Variants in TAF1B observed in about 807,000 individuals in gnomAD.
TAF1B encodes TATA box-binding protein-associated factor RNA polymerase I subunit B.
In TAF1B, 61 loss-of-function variants were observed where a neutral mutation model predicts 83.9. The observed-to-expected ratio is 0.73, with a 90% CI of 0.59 to 0.90. The LOEUF is 0.90. TAF1B is among the 40% of genes least tolerant of loss of function. The pLI is 0.00. For missense variants in TAF1B, 625 were observed against 677.0 expected (o/e 0.92, Z 0.85); for synonymous variants, 221 against 224.6 (o/e 0.98, Z 0.14).
At chr2:9,843,737 G>A (rs1572203933) in intron 1 of TAF1B, 178 bp downstream of exon 1, 1 of 629,922 alleles carries the variant, frequency 1.6e-6, no homozygotes. Context: ...ATGCGCGCGC[G>A]GCTTTGGTAA....
chr2:9,856,478 T>C (rs993816300), intron 5 of TAF1B, among the ~76,000 whole-genome samples: 5 of 152,186 alleles, frequency 3.3e-5, no homozygotes, highest in Non-Finnish European at 5.9e-5. Context: ...ATGAGAGAGA[T>C]ACTTCCCAAG....
In TAF1B at chr2:9,875,904, A is replaced by G; in HGVS notation, c.593A>G (p.Tyr198Cys). The G allele has an allele frequency of 6.2e-7, 1 of 1,612,368 alleles. No homozygotes were observed. Among genetic ancestry groups the G allele is most frequent in the Non-Finnish European group, 8.5e-7 (1 of 1,178,726 alleles). Residue 198 changes from tyrosine to cysteine, a missense_variant, in exon 7 of 15, where the codon TAC (tyrosine) becomes TGC (cysteine). By Grantham distance (194) the Tyr-to-Cys change is radical (BLOSUM62 -2). Coordinates refer to ENST00000263663, the MANE Select transcript of TAF1B (RefSeq NM_005680.3). ...TCTGGATCTCTGGATGGAGTTGAAT[A>G]CTCACAACGAAAGGAGAAGGGAATC... ...VCSGSLDGVE[Y>C]SQRKEKGIVK...
At position 9,904,892 on chromosome 2, in the gene TAF1B, A is replaced by G. The variant is rs773917356; in HGVS notation, c.841A>G (p.Thr281Ala). ...TGACTACGAGGACATCTACAAAAAA[A>G]CAGTAGAAGTTGGAACATTTTTAGA... ...WPDYEDIYKK[T>A]VEVGTFLDLP... The change falls in exon 9 of 15, where the codon ACA becomes GCA. Residue 281 changes from threonine (T) to alanine (A), a missense_variant. Thr to Ala is a moderately conservative substitution (Grantham distance 58). Transcript: ENST00000263663. 16 of 1,611,078 alleles carry G rather than the reference A, an allele frequency of 9.9e-6. No homozygotes were observed. Among genetic ancestry groups the G allele is most frequent in the Middle Eastern group, 1.6e-4 (1 of 6,078 alleles).
At chr2:9,909,531 A>T (rs760920274) in intron 9 of TAF1B, among the ~76,000 whole-genome samples, 1 of 152,200 alleles carries the variant, frequency 6.6e-6, no homozygotes, top group Non-Finnish European at 1.5e-5. Context: ...TGGGGGAACT[A>T]TGGAGATTAG....
At chr2:9,872,771 T>G (rs1374166092) in intron 6 of TAF1B, among the ~76,000 whole-genome samples, 1 of 152,224 alleles carries the variant, frequency 6.6e-6, no homozygotes, top group Non-Finnish European at 1.5e-5. Flanking sequence ...ATTTATTTTA[T>G]GGAAATCTGT....
At position 9,878,033 on chromosome 2, in the gene TAF1B, C is replaced by T. The variant is rs575940087; in HGVS notation, c.707+2015C>T. On this transcript the variant is annotated intron_variant, in intron 7 of 14. Transcript: ENST00000263663. Reference sequence around the variant, plus strand: ...CCATTGATATTCTTCCTTTGCTTTTCTCCCAGAAAGAGCTCTAAGTCATAA... The same window carrying T: ...CCATTGATATTCTTCCTTTGCTTTTTTCCCAGAAAGAGCTCTAAGTCATAA... Among the ~76,000 whole-genome samples the T allele has an allele frequency of 2.6e-5, 4 of 152,288 alleles. No homozygotes were observed. The South Asian group carries it at 8.3e-4, about 32-fold the overall frequency.
rs137900719 is a variant in TAF1B, at chr2:9,919,639, G to A, written c.1384G>A (p.Glu462Lys). 3 of 1,614,082 alleles carry A rather than the reference G, an allele frequency of 1.9e-6. No individual in the cohort carries two copies. The highest frequency in any genetic ancestry group is 2.5e-6 in the Non-Finnish European group (3 of 1,180,018). Reference protein sequence around the residue: ...NLQKQFSTLVESTATAGKKSP... With the variant: ...NLQKQFSTLVKSTATAGKKSP... Reference sequence around the variant, plus strand: ...ACAGAAACAATTTAGCACACTGGTCGAGTCAACAGCAACTGCTGGAAAAAA... The same window carrying A: ...ACAGAAACAATTTAGCACACTGGTCAAGTCAACAGCAACTGCTGGAAAAAA... Residue 462 changes from glutamate (E) to lysine (K), a missense_variant, in exon 14 of 15, where the codon GAG (glutamate) becomes AAG (lysine). Transcript: ENST00000263663.
intron 14 of TAF1B, among the ~76,000 whole-genome samples, chr2:9,920,198 C>T (rs991992477): frequency 1.3e-5 from 2 of 152,170 alleles, no homozygotes; most frequent in Non-Finnish European, 2.9e-5. Context: ...AGGATATTCT[C>T]TTAAGTGACC....
chr2:9,927,058 C>G (rs1572294963), intron 14 of TAF1B, among the ~76,000 whole-genome samples: 1 of 77,086 alleles, frequency 1.3e-5, no homozygotes, highest in African/African-American at 5.0e-5. Flanking sequence ...GTGTGATGTT[C>G]CCCGCCCTGT....
intron 12 of TAF1B, among the ~76,000 whole-genome samples, chr2:9,916,148 A>G (rs544468071): frequency 6.6e-6 from 1 of 152,210 alleles, no homozygotes; most frequent in Non-Finnish European, 1.5e-5. Flanking sequence ...CACACATGCA[A>G]CTGTATGTGT....
intron 4 of TAF1B, among the ~76,000 whole-genome samples, chr2:9,852,601 C>G (rs564664311): frequency 1.5e-4 from 23 of 152,254 alleles, no homozygotes; most frequent in African/African-American, 5.5e-4. Flanking sequence ...AAGCAATTCT[C>G]CTGTCTCAGC....
In TAF1B at chr2:9,904,851, T is replaced by C. The variant is rs1195649372; in HGVS notation, c.808-8T>C. 2 of 1,606,566 alleles carry C rather than the reference T, an allele frequency of 1.2e-6. No homozygotes were observed. The highest frequency in any genetic ancestry group is 4.5e-5 in the East Asian group (2 of 44,792). On this transcript the variant is annotated splice_region_variant and splice_polypyrimidine_tract_variant and intron_variant, in intron 8 of 14. Transcript: ENST00000263663. ...ATTGCAACTATGATGGTCTCTCTTT[T>C]ATTTCAGTCTTGGCCTGACTACGAG... is the stretch of plus-strand genomic sequence containing the variant.
intron 8 of TAF1B, among the ~76,000 whole-genome samples, chr2:9,897,590 A>G (rs1665055303): frequency 6.6e-6 from 1 of 152,226 alleles, no homozygotes; most frequent in South Asian, 2.1e-4. Context: ...GCACTTAGCC[A>G]GGATGATTCA....
chr2:9,861,909 C>T (rs1663780106), intron 5 of TAF1B, among the ~76,000 whole-genome samples: 1 of 152,170 alleles, frequency 6.6e-6, no homozygotes, highest in Non-Finnish European at 1.5e-5. Context: ...GGAAAACTAA[C>T]AAACAGAAAG....
Position 9,860,376 on chromosome 2 carries a change from C to T in TAF1B, c.399+5955C>T, listed in dbSNP as rs139409315. 1.6e-4 allele frequency among the ~76,000 whole-genome samples: 25 copies of T among 152,238 alleles called. 1 individual carries two copies. Among genetic ancestry groups the T allele is most frequent in the East Asian group, 7.7e-4 (4 of 5,188 alleles). On this transcript the variant is annotated intron_variant, in intron 5 of 14. Transcript: ENST00000263663. ...CTAACATGCTATTGTTTGTAACATA[C>T]GCCATTATTTTAAGTACTGCTAAGA...
At chr2:9,882,683 C>T in intron 7 of TAF1B, 23 bp from the exon 8 acceptor site, 1 of 1,558,060 alleles carries the variant, frequency 6.4e-7, no homozygotes, top group South Asian at 1.2e-5. Flanking sequence ...TCTCATTAAA[C>T]CTTTTTCTTT....
intron 8 of TAF1B, among the ~76,000 whole-genome samples, chr2:9,889,187 T>C (rs1277223429): frequency 6.6e-6 from 1 of 151,930 alleles, no homozygotes; most frequent in African/African-American, 2.4e-5. Context: ...TTTGTTTAAA[T>C]TTTTTTGGCC....
intron 5 of TAF1B, among the ~76,000 whole-genome samples, chr2:9,859,698 T>C (rs575870884): frequency 6.6e-6 from 1 of 152,332 alleles, no homozygotes; most frequent in South Asian, 2.1e-4. Context: ...TAACAGCATT[T>C]TGATCACAAT....
At chr2:9,917,104 C>G (rs1665706080) in intron 12 of TAF1B, among the ~76,000 whole-genome samples, 1 of 152,108 alleles carries the variant, frequency 6.6e-6, no homozygotes, top group Non-Finnish European at 1.5e-5. Flanking sequence ...CCTCAGCCTC[C>G]CAAAGTGCTG....
Sources: allele counts gnomAD v4.1 joint callset (sites outside exome capture counted in the v4.1 genomes callset), GRCh38; gene constraint gnomAD v4.1.1; transcripts MANE v1.5; gene names NCBI Gene and HGNC (gene_info 2026-07-23, HGNC 2026-07-21).